The following WWP1 variants were observed in gnomAD, a reference collection of about 807,000 sequenced individuals.
WWP1 encodes the protein NEDD4-like E3 ubiquitin-protein ligase WWP1.
WWP1 carries 49 observed loss-of-function variants against 130.6 expected under a neutral mutation model. The ratio of observed to expected loss-of-function variants is 0.38; its 90% CI spans 0.30 to 0.48. WWP1 has a LOEUF of 0.48. WWP1 is among the 20% of genes least tolerant of loss of function. The pLI, the probability that WWP1 is intolerant of heterozygous loss-of-function variation, is 0.99. For missense variants in WWP1, 809 were observed against 1,100.6 expected (o/e 0.74, Z 3.75); for synonymous variants, 332 against 367.8 (o/e 0.90, Z 1.11).
At chr8:86,381,774 T>G in intron 5 of WWP1, 145 bp downstream of exon 5, 1 of 855,236 alleles carries the variant, frequency 1.2e-6, no homozygotes, top group East Asian at 3.3e-5. Context: ...TTGTGGCATT[T>G]TATGAAATAG....
intron 5 of WWP1, among the ~76,000 whole-genome samples, chr8:86,385,320 A>G (rs1486341229): frequency 6.6e-6 from 1 of 152,108 alleles, no homozygotes; most frequent in East Asian, 1.9e-4. Flanking sequence ...CAGAGGATAG[A>G]TTTTTAAGGG....
intron 8 of WWP1, among the ~76,000 whole-genome samples, chr8:86,402,738 G>A (rs951767069): frequency 6.6e-6 from 1 of 152,178 alleles, no homozygotes; most frequent in Non-Finnish European, 1.5e-5. Flanking sequence ...TACTGAGCAA[G>A]TGCTTATATG....
chr8:86,407,420 AG>A (rs1808343033), intron 8 of WWP1, among the ~76,000 whole-genome samples: 1 of 152,118 alleles, frequency 6.6e-6, no homozygotes, highest in Admixed American at 6.5e-5. Context: ...TCTTTGTTGT[AG>A]GGGGCTGTCC....
chr8:86,379,466 C>G (rs912664261), intron 3 of WWP1, among the ~76,000 whole-genome samples: 3 of 152,042 alleles, frequency 2.0e-5, no homozygotes, highest in African/African-American at 7.2e-5. Flanking sequence ...TCCTTAACAT[C>G]CGGTGTGTAT....
intron 1 of WWP1, among the ~76,000 whole-genome samples, chr8:86,358,214 G>A (rs978013623): frequency 2.0e-5 from 3 of 152,162 alleles, no homozygotes; most frequent in African/African-American, 7.2e-5. Context: ...TTGGGCTGTG[G>A]AGATGAAATA....
Position 86,438,661 on chromosome 8 carries a change from G to A in WWP1, c.1826G>A (p.Gly609Asp). The A allele has an allele frequency of 6.2e-7, 1 of 1,604,950 alleles. No individual in the cohort carries two copies. The highest frequency in any genetic ancestry group is 8.5e-7 in the Non-Finnish European group (1 of 1,177,508). Reference protein sequence around the residue: ...IFRGEEGLDYGGLAREWFFLL... With the variant: ...IFRGEEGLDYDGLAREWFFLL... ...AGAGGAGAAGAAGGACTTGATTATGGTGGCCTAGCGAGGTAAAATAAAAAA... is the reference window on the plus strand; with the variant it reads ...AGAGGAGAAGAAGGACTTGATTATGATGGCCTAGCGAGGTAAAATAAAAAA... The change falls in exon 17 of 25, where the codon GGT (glycine) becomes GAT (aspartate). Residue 609 changes from glycine (G) to aspartate (D), a missense_variant. Around this residue, in one of 3 missense-constraint regions of WWP1, gnomAD observed 450 missense variants for 674.2 expected, o/e 0.67. Transcript: ENST00000517970.
rs1408989400 is a variant in WWP1, at chr8:86,353,618, A to G, written c.-115+10688A>G. 4.0e-5 allele frequency among the ~76,000 whole-genome samples: 6 copies of G among 151,800 alleles called. No homozygotes were observed. The East Asian group carries it at 1.2e-3, about 29-fold the overall frequency. ...CGCAATTCTCCTGCCTCAGCCTCCC[A>G]AGTAGCTGGGATTATAGGTACGTGA... On this transcript the variant is annotated intron_variant, in intron 1 of 24. Transcript: ENST00000517970.
At chr8:86,355,756 T>C (rs541368225) in intron 1 of WWP1, among the ~76,000 whole-genome samples, 26 of 152,354 alleles carry the variant, frequency 1.7e-4, no homozygotes, top group African/African-American at 5.3e-4. Context: ...AAAGGTATTT[T>C]CAAAGGCTAG....
chr8:86,440,752 G>A (rs1366353882), intron 17 of WWP1: 8 of 437,334 alleles, frequency 1.8e-5, no homozygotes, highest in African/African-American at 1.6e-4. Context: ...AATCTCCTTT[G>A]TCAGTCTTAC....
At chr8:86,444,855 G>A (rs1810774631) in intron 18 of WWP1, among the ~76,000 whole-genome samples, 1 of 152,172 alleles carries the variant, frequency 6.6e-6, no homozygotes, top group Non-Finnish European at 1.5e-5. Context: ...TAAAACATTT[G>A]TATTGCTGAT....
intron 1 of WWP1, among the ~76,000 whole-genome samples, chr8:86,352,417 A>G (rs1586236749): frequency 6.6e-6 from 1 of 150,918 alleles, no homozygotes. Flanking sequence ...TAGAGACGGG[A>G]TTTTACCATG....
At chr8:86,417,923 T>G (rs1808979014) in intron 9 of WWP1, among the ~76,000 whole-genome samples, 1 of 152,184 alleles carries the variant, frequency 6.6e-6, no homozygotes, top group African/African-American at 2.4e-5. Context: ...AAGCTTGTAT[T>G]TCAGTGGGAA....
chr8:86,456,543 A>G, intron 21 of WWP1, among the ~76,000 whole-genome samples: 1 of 151,936 alleles, frequency 6.6e-6, no homozygotes, highest in East Asian at 1.9e-4. Flanking sequence ...TAGTGTTGGT[A>G]GTTTCTTGTA....
Position 86,400,766 on chromosome 8 carries a change from A to T in WWP1, c.540-1253A>T, listed in dbSNP as rs1807931427. Among the ~76,000 whole-genome samples the T allele has an allele frequency of 1.3e-5, 2 of 152,258 alleles. 1 individual carries two copies. The highest frequency in any genetic ancestry group is 4.1e-4 in the South Asian group (2 of 4,832). Reference sequence around the variant, plus strand: ...TTTTTGATATTCAGTAAAATCGATTATCTGCTGCAAAGTGAGCAAGGATGA... The same window carrying T: ...TTTTTGATATTCAGTAAAATCGATTTTCTGCTGCAAAGTGAGCAAGGATGA... On this transcript the variant is annotated intron_variant, in intron 7 of 24. Transcript: ENST00000517970.
Position 86,435,710 on chromosome 8 carries a change from G to A in WWP1, c.1749+6G>A, listed in dbSNP as rs754486223. 1.9e-6 allele frequency: 3 copies of A among 1,611,220 alleles called. No individual in the cohort carries two copies. The African/African-American group carries it at 4.0e-5, about 22-fold the overall frequency. ...TTGAAGATTCCTTCCAACAGGTAAG[G>A]AGGATTTTAGCAGAATAAAACACCA... On this transcript the variant is annotated splice_donor_region_variant and intron_variant, in intron 16 of 24. Coordinates refer to ENST00000517970, the MANE Select transcript of WWP1 (RefSeq NM_007013.4).
intron 21 of WWP1, among the ~76,000 whole-genome samples, chr8:86,456,876 C>T (rs13251006): frequency 0.27 from 40,956 of 151,578 alleles, 6,380 homozygotes; most frequent in East Asian, 0.54. Flanking sequence ...CTATATATCA[C>T]AAAAATATGT....
intron 8 of WWP1, among the ~76,000 whole-genome samples, chr8:86,408,190 ATTT>A (rs1563504591): frequency 6.6e-6 from 1 of 152,156 alleles, no homozygotes; most frequent in African/African-American, 2.4e-5. Context: ...AGCAAGGTGC[ATTT>A]AAGGTTTCTC....
chr8:86,459,030 T>TC (rs1563552451), intron 22 of WWP1, among the ~76,000 whole-genome samples: 1 of 116,886 alleles, frequency 8.6e-6, no homozygotes, highest in Admixed American at 8.3e-5. Flanking sequence ...TTTCTTTTTT[T>TC]TTTTTTTTTT....
At chr8:86,363,931 C>T (rs1823817341) in intron 1 of WWP1, among the ~76,000 whole-genome samples, 1 of 151,904 alleles carries the variant, frequency 6.6e-6, no homozygotes, top group South Asian at 2.1e-4. Flanking sequence ...ACACATTTTC[C>T]TTGAAAGGGT....
Sources: gnomAD v4.1 joint callset for allele counts (sites outside exome capture counted in the v4.1 genomes callset) on GRCh38, gnomAD v4.1.1 for gene constraint, gnomAD v4.1.1 regional missense constraint, MANE v1.5 for transcripts, NCBI Gene and HGNC (gene_info 2026-07-23, HGNC 2026-07-21) for gene names.